Variants in WNT5A observed in about 807,000 individuals in gnomAD.
The protein encoded by WNT5A is protein Wnt-5a.
WNT5A carries 9 observed loss-of-function variants against 42.1 expected under a neutral mutation model. The observed-to-expected ratio is 0.21, with a 90% CI of 0.13 to 0.37. WNT5A has a LOEUF of 0.37. WNT5A is among the 10% of genes least tolerant of loss of function. The probability of loss-of-function intolerance (pLI) is 1.00; values close to 1 mark genes in which losing one functional copy is unlikely to be tolerated. For missense variants in WNT5A, 426 were observed against 534.0 expected, an observed-to-expected ratio of 0.80 and a Z score of 1.99; for synonymous variants, 210 against 210.0, an observed-to-expected ratio of 1.00 and a Z score of 0.00.
At position 55,468,311 on chromosome 3, in the gene WNT5A, T is replaced by C. The variant is rs2051183019; in HGVS notation, c.*1781A>G. 1 of 152,156 alleles carries C rather than the reference T, an allele frequency of 6.6e-6. No homozygotes were observed. The highest frequency in any genetic ancestry group is 1.5e-5 in the Non-Finnish European group (1 of 68,040). 9.4% of individuals were successfully genotyped at this position (152,156 alleles called of 1,614,324 possible). On this transcript the variant is annotated 3_prime_UTR_variant, in exon 5 of 5. Transcript: ENST00000264634. ...TTGAATATCTCTTAACGTCCATGTC[T>C]ATAACGAACAAGTAATGCCCTCTCC...
At position 55,483,721 on chromosome 3, in the gene WNT5A, T is replaced by C. The variant is rs2051513744; in HGVS notation, c.7-2803A>G. On this transcript the variant is annotated intron_variant, in intron 1 of 4. Transcript: ENST00000264634. This position sits in a 1 kb window ranked among gnomAD's most constrained non-coding sequence, Gnocchi z 4.2. ...AGGAGGGCGTTCCCGCGTCCTCCTCTTCAATCCAGAGCAGCTCAACGACGT... is the reference window on the plus strand; with the variant it reads ...AGGAGGGCGTTCCCGCGTCCTCCTCCTCAATCCAGAGCAGCTCAACGACGT... Among the ~76,000 whole-genome samples the C allele has an allele frequency of 6.6e-6, 1 of 152,154 alleles. No homozygotes were observed. Among genetic ancestry groups the C allele is most frequent in the Non-Finnish European group, 1.5e-5 (1 of 68,020 alleles).
intron 3 of WNT5A, among the ~76,000 whole-genome samples, chr3:55,475,086 G>A (rs932396180): frequency 6.6e-6 from 1 of 152,110 alleles, no homozygotes; most frequent in Non-Finnish European, 1.5e-5. Flanking sequence ...CAGATCCCCA[G>A]TATCTCTGCT....
In WNT5A at chr3:55,479,470, G is replaced by C. The variant is rs1317822537; in HGVS notation, c.235C>G (p.Gln79Glu). The change falls in exon 3 of 5, where the codon CAG becomes GAG. Residue 79 changes from glutamine (Q) to glutamate (E), a missense_variant. Gln to Glu is a conservative substitution (Grantham distance 29, BLOSUM62 2). Around this residue, in one of 3 missense-constraint regions of WNT5A, gnomAD observed 358 missense variants for 468.1 expected, o/e 0.76. Transcript: ENST00000264634. ...CSQLAGLSQG[Q>E]KKLCHLYQDH... ...TGATACAAGTGGCACAGTTTCTTCT[G>C]TCCTTGAGAAAGTCCTGCCAGTTGG... 6.2e-7 allele frequency: 1 copy of C among 1,614,008 alleles called. No homozygotes were observed. The highest frequency in any genetic ancestry group is 1.1e-5 in the South Asian group (1 of 91,090).
chr3:55,500,987 A>C, the WNT5A span, among the ~76,000 whole-genome samples: 1 of 152,232 alleles, frequency 6.6e-6, no homozygotes, highest in African/African-American at 2.4e-5. Context: ...GACTTTACAA[A>C]CATGACCCCA....
In WNT5A at chr3:55,470,023, A is replaced by G. The variant is rs757185242; in HGVS notation, c.*69T>C. 6 of 1,591,070 alleles carry G rather than the reference A, an allele frequency of 3.8e-6. No homozygotes were observed. Among genetic ancestry groups the G allele is most frequent in the Non-Finnish European group, 5.2e-6 (6 of 1,164,980 alleles). ...TAAAAAATATTTCTAAAAACCAAAA[A>G]CCAGAATCACTGTACTTTCTATAAA... On this transcript the variant is annotated 3_prime_UTR_variant, in exon 5 of 5. Transcript: ENST00000264634.
At chr3:55,476,033 G>A (rs1448980242) in intron 3 of WNT5A, among the ~76,000 whole-genome samples, 1 of 152,116 alleles carries the variant, frequency 6.6e-6, no homozygotes, top group African/African-American at 2.4e-5. Flanking sequence ...TTCATGTACC[G>A]CAATCAGTTT....
At chr3:55,484,729 CA>C in intron 1 of WNT5A, among the ~76,000 whole-genome samples, 1 of 135,768 alleles carries the variant, frequency 7.4e-6, no homozygotes, top group Non-Finnish European at 1.6e-5. Flanking sequence ...CACACACACA[CA>C]CACCACTCAC....
At chr3:55,504,541 G>A in the WNT5A span, among the ~76,000 whole-genome samples, 2 of 149,622 alleles carry the variant, frequency 1.3e-5, no homozygotes, top group East Asian at 2.0e-4. Context: ...TCGGCTCACC[G>A]CAACCTCTGC....
upstream of WNT5A, among the ~76,000 whole-genome samples, chr3:55,494,711 G>A (rs925926991): frequency 3.9e-5 from 6 of 152,048 alleles, no homozygotes; most frequent in African/African-American, 1.4e-4. Context: ...GCTAATTTTT[G>A]CATTTTTAGT....
chr3:55,480,766 G>A lies in WNT5A; in HGVS notation c.140+19C>T, dbSNP rs898202993. 12 of 1,514,684 alleles carry A rather than the reference G, an allele frequency of 7.9e-6. No individual in the cohort carries two copies. The highest frequency in any genetic ancestry group is 1.7e-4 in the Middle Eastern group (1 of 5,806). 93.8% of individuals were successfully genotyped at this position (1,514,684 alleles called of 1,614,324 possible). A position where few individuals can be genotyped will look rare whatever the true frequency, so the allele number is the denominator to read the frequency against. ...AAAAGAAAAAGAAGAGGAAGAACACGCACATAGAATGAACTTACCACCAAG... is the reference window on the plus strand; with the variant it reads ...AAAAGAAAAAGAAGAGGAAGAACACACACATAGAATGAACTTACCACCAAG... On this transcript the variant is annotated intron_variant, in intron 2 of 4. Coordinates refer to ENST00000264634, the MANE Select transcript of WNT5A (RefSeq NM_003392.7).
chr3:55,500,826 T>C, the WNT5A span, among the ~76,000 whole-genome samples: 12 of 152,320 alleles, frequency 7.9e-5, no homozygotes, highest in South Asian at 1.7e-3. Context: ...CTGCTTTCAA[T>C]AGAGGACTTT....
At chr3:55,479,666 T>C in intron 2 of WNT5A, 102 bp from the exon 3 acceptor site, 1 of 1,403,434 alleles carries the variant, frequency 7.1e-7, no homozygotes, top group Non-Finnish European at 9.5e-7. Context: ...ACAGATGCTT[T>C]TTTCTCTCCT....
At chr3:55,481,285 A>C in intron 1 of WNT5A, 1 of 995,224 alleles carries the variant, frequency 1.0e-6, no homozygotes, top group Non-Finnish European at 1.2e-6. Context: ...CTCCTGGGTA[A>C]TTCACTCAGG....
intron 1 of WNT5A, among the ~76,000 whole-genome samples, chr3:55,484,811 T>C (rs1196819551): frequency 6.6e-6 from 1 of 152,036 alleles, no homozygotes; most frequent in African/African-American, 2.4e-5. Context: ...GCAGAGTCCT[T>C]GGACAGAGGA....
intron 3 of WNT5A, among the ~76,000 whole-genome samples, chr3:55,477,262 T>G (rs1403286657): frequency 2.6e-5 from 4 of 152,202 alleles, no homozygotes; most frequent in Admixed American, 1.3e-4. Flanking sequence ...CTATTGGAAT[T>G]GGATCCATGT....
intron 2 of WNT5A, 68 bp downstream of exon 2, chr3:55,480,717 C>T: frequency 2.8e-6 from 4 of 1,429,340 alleles, no homozygotes; most frequent in South Asian, 1.6e-5. Flanking sequence ...TAAATATTGC[C>T]GCATCATACA....
the WNT5A span, among the ~76,000 whole-genome samples, chr3:55,497,159 T>G: frequency 6.6e-6 from 1 of 152,214 alleles, no homozygotes; most frequent in African/African-American, 2.4e-5. Context: ...TAGAAGACAG[T>G]CCCAAATGCA....
chr3:55,472,021 A>G (rs2051261100), intron 4 of WNT5A, among the ~76,000 whole-genome samples: 3 of 152,122 alleles, frequency 2.0e-5, no homozygotes, highest in African/African-American at 7.2e-5. Context: ...CACTGAGGAA[A>G]ATTAAAAAGC....
chr3:55,476,402 G>A (rs2051358862), intron 3 of WNT5A, among the ~76,000 whole-genome samples: 1 of 152,180 alleles, frequency 6.6e-6, no homozygotes, highest in Non-Finnish European at 1.5e-5. Flanking sequence ...CAGGGGAATG[G>A]AAAGGAATGA....
Sources: allele counts gnomAD v4.1 joint callset (sites outside exome capture counted in the v4.1 genomes callset), GRCh38; gene constraint gnomAD v4.1.1; regional missense constraint gnomAD v4.1.1; non-coding constraint Gnocchi (gnomAD v3.1); transcripts MANE v1.5; gene names NCBI Gene and HGNC (gene_info 2026-07-23, HGNC 2026-07-21).